RANBP9: variants seen among roughly 807,000 people sequenced by gnomAD.
RANBP9 encodes the protein RAN binding protein 9, also known as ran-binding protein 9.
Under a neutral mutation model 84.3 loss-of-function variants are expected in RANBP9, and 15 were observed. That is an observed-to-expected ratio of 0.18 (90% CI 0.12 to 0.27). RANBP9 has a LOEUF of 0.27. RANBP9 is among the 10% of genes least tolerant of loss of function. RANBP9 has a pLI of 1.00. For missense variants in RANBP9, 809 were observed against 912.8 expected (o/e 0.89, Z 1.46); for synonymous variants, 392 against 349.6 (o/e 1.12, Z -1.35).
At chr6:13,700,019 AAAC>A (rs1584949232) in intron 1 of RANBP9, among the ~76,000 whole-genome samples, 2 of 152,208 alleles carry the variant, frequency 1.3e-5, no homozygotes, top group African/African-American at 2.4e-5. Flanking sequence ...GGTAACCAAA[AAAC>A]AACCTCATAC....
At chr6:13,704,666 TTTCC>T (rs1248357753) in intron 1 of RANBP9, among the ~76,000 whole-genome samples, 2 of 151,994 alleles carry the variant, frequency 1.3e-5, no homozygotes, top group East Asian at 3.8e-4. Flanking sequence ...TAATTGATCT[TTTCC>T]CAGATGCTCC....
Position 13,641,530 on chromosome 6 carries a change from T to TA in RANBP9, c.1226-224_1226-223insT, listed in dbSNP as rs1765063953. On this transcript the variant is annotated intron_variant, in intron 7 of 13. Transcript: ENST00000011619. ...ACGGTCACAAATTTTTTTTTTAAAATCACGAACATACGAGTAATATAGTTA... is the reference window on the plus strand; with the variant it reads ...ACGGTCACAAATTTTTTTTTTAAAATACACGAACATACGAGTAATATAGTTA... Among the ~76,000 whole-genome samples, 5 of 152,142 alleles carry TA rather than the reference T, an allele frequency of 3.3e-5. No homozygotes were observed. The South Asian group carries it at 1.0e-3, about 32-fold the overall frequency.
At chr6:13,705,768 CAGG>C (rs774543946) in intron 1 of RANBP9, among the ~76,000 whole-genome samples, 2 of 148,066 alleles carry the variant, frequency 1.4e-5, no homozygotes, top group African/African-American at 2.5e-5. Flanking sequence ...GAGGCTGAAG[CAGG>C]AGAATGGTCT....
intron 1 of RANBP9, among the ~76,000 whole-genome samples, chr6:13,708,844 C>CAG (rs1274155741): frequency 6.6e-6 from 1 of 151,886 alleles, no homozygotes; most frequent in East Asian, 1.9e-4. Flanking sequence ...CACACACACA[C>CAG]ACAGTCTACA....
At position 13,640,688 on chromosome 6, in the gene RANBP9, T is replaced by C. The variant is rs371813627; in HGVS notation, c.1334+511A>G. Reference sequence around the variant, plus strand: ...AATACTCTGATTCTACTTATATGGGTAGTCAAATTCATAGAGGCAAAATGT... The same window carrying C: ...AATACTCTGATTCTACTTATATGGGCAGTCAAATTCATAGAGGCAAAATGT... On this transcript the variant is annotated intron_variant, in intron 8 of 13. Transcript: ENST00000011619. Among the ~76,000 whole-genome samples the C allele has an allele frequency of 3.3e-5, 5 of 152,226 alleles. No homozygotes were observed. In the East Asian group the frequency reaches 5.8e-4, roughly 18 times the overall value.
At chr6:13,658,888 A>C in intron 2 of RANBP9, 56 bp from the exon 3 acceptor site, 1 of 1,464,022 alleles carries the variant, frequency 6.8e-7, no homozygotes, top group Non-Finnish European at 9.6e-7. Context: ...TCATATATGT[A>C]TAAATTACCA....
chr6:13,634,493 T>C lies in RANBP9; in HGVS notation c.1733A>G (p.Asn578Ser), dbSNP rs367985881. 2.2e-5 allele frequency: 35 copies of C among 1,613,560 alleles called. No individual in the cohort carries two copies. The highest frequency in any genetic ancestry group is 4.5e-5 in the East Asian group (2 of 44,874). ...TTTAGAGCTACCATTTAGGAAACCA[T>C]TGGATGAAGTTTCTCCAACTCCATT... ...YSNGVGETSS[N>S]GFLNGSSKHD... The change falls in exon 11 of 14, where the codon AAT becomes AGT. Residue 578 changes from asparagine to serine, a missense_variant. Transcript: ENST00000011619.
At chr6:13,634,360 T>A in intron 11 of RANBP9, 71 bp downstream of exon 11, 3 of 1,525,946 alleles carry the variant, frequency 2.0e-6, no homozygotes, top group Non-Finnish European at 2.7e-6. Flanking sequence ...CAGCTGTGAA[T>A]CAGTACAAGT....
At chr6:13,652,141 CCTTT>C (rs1336871135) in intron 5 of RANBP9, among the ~76,000 whole-genome samples, 3 of 152,132 alleles carry the variant, frequency 2.0e-5, no homozygotes, top group Non-Finnish European at 2.9e-5. Context: ...CTGTTTTTTC[CCTTT>C]CTTTCCAAAG....
intron 6 of RANBP9, 124 bp from the exon 7 acceptor site, chr6:13,642,715 G>A (rs1375144099): frequency 2.5e-5 from 13 of 514,198 alleles, no homozygotes; most frequent in Admixed American, 1.2e-4. Flanking sequence ...GAAACAAGGC[G>A]TTAAGAACCT....
At chr6:13,695,833 A>G (rs1416383458) in intron 2 of RANBP9, among the ~76,000 whole-genome samples, 9 of 152,164 alleles carry the variant, frequency 5.9e-5, no homozygotes, top group Admixed American at 3.3e-4. Flanking sequence ...TTCAGCCGAT[A>G]AAGGAGTAAT....
At chr6:13,644,498 A>T in intron 6 of RANBP9, 47 bp downstream of exon 6, 1 of 1,559,314 alleles carries the variant, frequency 6.4e-7, no homozygotes. Flanking sequence ...AATGTCTTAT[A>T]AAAAACAGAT....
chr6:13,708,668 A>G (rs1453565596), intron 1 of RANBP9, among the ~76,000 whole-genome samples: 1 of 151,884 alleles, frequency 6.6e-6, no homozygotes, highest in African/African-American at 2.4e-5. Flanking sequence ...ATAAAAATTC[A>G]CTCTTCTTAT....
intron 2 of RANBP9, among the ~76,000 whole-genome samples, chr6:13,666,807 A>G (rs533621266): frequency 1.3e-3 from 200 of 152,088 alleles, no homozygotes; most frequent in Middle Eastern, 3.4e-3. Context: ...TACTACAAGA[A>G]AGTGAGTATT....
chr6:13,686,550 G>A lies in RANBP9; in HGVS notation c.683+10235C>T, dbSNP rs187209224. ...TCCACCCACCTCAGCCTCCCAAAGT[G>A]CCGGGATTACAGGCATGAGCCACCA... On this transcript the variant is annotated intron_variant, in intron 2 of 13. Coordinates refer to ENST00000011619, the MANE Select transcript of RANBP9 (RefSeq NM_005493.3). 3.3e-5 allele frequency among the ~76,000 whole-genome samples: 5 copies of A among 151,934 alleles called. No individual in the cohort carries two copies. In the South Asian group the frequency reaches 6.2e-4, roughly 19 times the overall value.
At chr6:13,696,048 T>G (rs1766436368) in intron 2 of RANBP9, among the ~76,000 whole-genome samples, 1 of 152,152 alleles carries the variant, frequency 6.6e-6, no homozygotes, top group African/African-American at 2.4e-5. Flanking sequence ...ATAGGATAGA[T>G]CCAATGATTC....
At chr6:13,633,595 C>T (rs1216020755) in intron 11 of RANBP9, among the ~76,000 whole-genome samples, 1 of 152,158 alleles carries the variant, frequency 6.6e-6, no homozygotes, top group East Asian at 1.9e-4. Flanking sequence ...GGCAGTTTTG[C>T]AGAAATCAAA....
chr6:13,647,653 A>G (rs186445432), intron 5 of RANBP9, among the ~76,000 whole-genome samples: 110 of 152,306 alleles, frequency 7.2e-4, no homozygotes, highest in African/African-American at 2.5e-3. Flanking sequence ...CATTATAGCC[A>G]AAGAGACTGG....
At chr6:13,692,396 C>T (rs1766342464) in intron 2 of RANBP9, among the ~76,000 whole-genome samples, 1 of 151,532 alleles carries the variant, frequency 6.6e-6, no homozygotes, top group Non-Finnish European at 1.5e-5. Context: ...GCCGTGGTGG[C>T]GCATGCCTGT....
Sources: gnomAD v4.1 joint callset for allele counts (sites outside exome capture counted in the v4.1 genomes callset) on GRCh38, gnomAD v4.1.1 for gene constraint, MANE v1.5 for transcripts, NCBI Gene and HGNC (gene_info 2026-07-23, HGNC 2026-07-21) for gene names.